ERCC3: variants seen among roughly 807,000 people sequenced by gnomAD.
ERCC3 encodes the protein general transcription and DNA repair factor IIH helicase/translocase subunit XPB.
ERCC3 carries 66 observed loss-of-function variants against 94.2 expected under a neutral mutation model. The ratio of observed to expected loss-of-function variants is 0.70; its 90% CI spans 0.57 to 0.86. ERCC3 has a LOEUF of 0.86. Ranked by LOEUF, ERCC3 falls within the 40% of genes least tolerant of loss-of-function variation. The probability of loss-of-function intolerance (pLI) is 0.00; values close to 1 mark genes in which losing one functional copy is unlikely to be tolerated. For missense variants in ERCC3, 829 were observed against 987.1 expected (o/e 0.84, Z 2.15); for synonymous variants, 349 against 369.1 (o/e 0.95, Z 0.63).
In ERCC3 at chr2:127,265,906, C is replaced by G. The variant is rs561665279; in HGVS notation, c.1946-4560G>C. Among the ~76,000 whole-genome samples the G allele has an allele frequency of 2.6e-5, 4 of 152,202 alleles. No individual in the cohort carries two copies. The South Asian group carries it at 8.3e-4, about 32-fold the overall frequency. ...AAATTGTTAATTTGAAATCTGTCTT[C>G]TCGATGTAGGTGTTCAGTGCTATAA... On this transcript the variant is annotated intron_variant, in intron 12 of 14. Coordinates refer to ENST00000285398, the MANE Select transcript of ERCC3 (RefSeq NM_000122.2).
intron 10 of ERCC3, among the ~76,000 whole-genome samples, chr2:127,273,621 T>G (rs1684636626): frequency 6.6e-6 from 1 of 151,484 alleles, no homozygotes; most frequent in African/African-American, 2.4e-5. Flanking sequence ...TGGTGGCGCA[T>G]GTGTGTAATC....
intron 12 of ERCC3, chr2:127,261,549 C>G (rs898782232): frequency 4.6e-5 from 27 of 587,316 alleles, no homozygotes; most frequent in Non-Finnish European, 7.6e-5. Context: ...AAAAAACAAT[C>G]CTCAGAATAA....
Position 127,279,333 on chromosome 2 carries a change from C to G in ERCC3, c.1570G>C (p.Ala524Pro). The stretch of plus-strand genomic sequence containing the variant: ...AAGATTCGTTTCTTGGTTTTGATTG[C>G]CACATATTCCCGGTAAAATTCAGGA... ...MSPEFYREYV[A>P]IKTKKRILLY... Residue 524 changes from alanine (A) to proline (P), a missense_variant, in exon 10 of 15, where the codon GCA (alanine) becomes CCA (proline). Ala to Pro is a conservative substitution (Grantham distance 27). Coordinates refer to ENST00000285398, the MANE Select transcript of ERCC3 (RefSeq NM_000122.2). The surrounding 1 kb of genome is among the most constrained non-coding windows in gnomAD (Gnocchi z 4.7). 6.2e-7 allele frequency: 1 copy of G among 1,614,112 alleles called. No individual in the cohort carries two copies. Among genetic ancestry groups the G allele is most frequent in the South Asian group, 1.1e-5 (1 of 91,088 alleles).
In ERCC3 at chr2:127,294,128, G is replaced by A. The variant is rs1261702724; in HGVS notation, c.-47C>T. The A allele has an allele frequency of 1.3e-6, 2 of 1,596,090 alleles. No individual in the cohort carries two copies. The highest frequency in any genetic ancestry group is 1.7e-6 in the Non-Finnish European group (2 of 1,174,668). On this transcript the variant is annotated 5_prime_UTR_variant, in exon 1 of 15. Transcript: ENST00000285398. ...AAGATGACCCCGCTCCCACAGGCCC[G>A]CCGCGGCATCCGCTCTGGGGGGACT...
chr2:127,276,971 G>C (rs765410050), intron 10 of ERCC3, among the ~76,000 whole-genome samples: 8 of 152,120 alleles, frequency 5.3e-5, no homozygotes, highest in Non-Finnish European at 1.0e-4. Context: ...GTATAAAGTC[G>C]AGTAAAGACA....
In ERCC3 at chr2:127,272,809, C is replaced by A. The variant is rs55790121; in HGVS notation, c.1827+56G>T. 2.0e-5 allele frequency: 21 copies of A among 1,043,554 alleles called. No individual in the cohort carries two copies. In the East Asian group the frequency reaches 5.0e-4, roughly 25 times the overall value. The allele number at this position is 1,043,554 out of a possible 1,614,324, so 64.6% of individuals were successfully genotyped here. The stretch of plus-strand genomic sequence containing the variant: ...TCACTGTCCAGGAATCATAGTGTAC[C>A]CCCCAGGTCCCCAGAGTGCTAGGGG... On this transcript the variant is annotated intron_variant, in intron 11 of 14. Coordinates refer to ENST00000285398, the MANE Select transcript of ERCC3 (RefSeq NM_000122.2).
intron 12 of ERCC3, among the ~76,000 whole-genome samples, chr2:127,265,981 T>C (rs1018262213): frequency 6.6e-6 from 1 of 152,218 alleles, no homozygotes; most frequent in African/African-American, 2.4e-5. Flanking sequence ...GTATGTTGTA[T>C]CTGTTTTCAT....
chr2:127,282,895 GA>G (rs1684959981), intron 8 of ERCC3, among the ~76,000 whole-genome samples: 1 of 152,098 alleles, frequency 6.6e-6, no homozygotes, highest in South Asian at 2.1e-4. Flanking sequence ...TTGTCCCCTG[GA>G]ACCTGGGACC....
intron 12 of ERCC3, among the ~76,000 whole-genome samples, chr2:127,265,315 CT>C (rs530634602): frequency 8.7e-4 from 132 of 152,254 alleles, no homozygotes; most frequent in Non-Finnish European, 1.1e-3. Flanking sequence ...CTCTGAGAAT[CT>C]TTTGTATTTC....
chr2:127,289,322 G>T lies in ERCC3; in HGVS notation c.822+15C>A, dbSNP rs1227922720. 6.2e-7 allele frequency: 1 copy of T among 1,612,268 alleles called. No homozygotes were observed. Among genetic ancestry groups the T allele is most frequent in the African/African-American group, 1.3e-5 (1 of 74,886 alleles). On this transcript the variant is annotated intron_variant, in intron 6 of 14. Coordinates refer to ENST00000285398, the MANE Select transcript of ERCC3 (RefSeq NM_000122.2). Reference sequence around the variant, plus strand: ...AGCTCAGTGAAGGAACCAGGAGGAAGGTACATTCACTAACCTGCTTGACTT... The same window carrying T: ...AGCTCAGTGAAGGAACCAGGAGGAATGTACATTCACTAACCTGCTTGACTT...
At position 127,279,829 on chromosome 2, in the gene ERCC3, C is replaced by T. The variant is rs370482734; in HGVS notation, c.1528-454G>A. ...AAATAAATGCATGCACAAAACTAAA[C>T]CCAACCTAATACCTCCTATTGAACT... is the stretch of plus-strand genomic sequence containing the variant. On this transcript the variant is annotated intron_variant, in intron 9 of 14. Transcript: ENST00000285398. The surrounding 1 kb of genome is among the most constrained non-coding windows in gnomAD (Gnocchi z 4.7). Among the ~76,000 whole-genome samples the T allele has an allele frequency of 3.4e-4, 52 of 152,200 alleles. No individual in the cohort carries two copies. Among genetic ancestry groups the T allele is most frequent in the African/African-American group, 1.2e-3 (49 of 41,546 alleles).
In ERCC3 at chr2:127,274,503, C is replaced by A. The variant is rs115631663; in HGVS notation, c.1731-1542G>T. 2.0e-5 allele frequency among the ~76,000 whole-genome samples: 3 copies of A among 152,180 alleles called. No homozygotes were observed. Among genetic ancestry groups the A allele is most frequent in the Non-Finnish European group, 4.4e-5 (3 of 68,038 alleles). On this transcript the variant is annotated intron_variant, in intron 10 of 14. Transcript: ENST00000285398. The surrounding 1 kb of genome is among the most constrained non-coding windows in gnomAD (Gnocchi z 4.0). ...AGGCCCGTTAGCACCCAGAGCAGTG[C>A]CCATTAATGGATGTACCTCAAAGAG...
chr2:127,272,155 G>A (rs1447865536), intron 11 of ERCC3, among the ~76,000 whole-genome samples: 2 of 151,550 alleles, frequency 1.3e-5, no homozygotes, highest in Non-Finnish European at 2.9e-5. Flanking sequence ...CTCCTGAGTA[G>A]TTGGGATTAC....
At chr2:127,293,379 G>A in intron 2 of ERCC3, 134 bp downstream of exon 2, 1 of 842,220 alleles carries the variant, frequency 1.2e-6, no homozygotes, top group Non-Finnish European at 1.9e-6. Context: ...GTTCCAACGT[G>A]TGTGGATGAA....
Position 127,280,964 on chromosome 2 carries a change from C to T in ERCC3, c.1343-333G>A. On this transcript the variant is annotated intron_variant, in intron 8 of 14. Coordinates refer to ENST00000285398, the MANE Select transcript of ERCC3 (RefSeq NM_000122.2). The surrounding 1 kb of genome is among the most constrained non-coding windows in gnomAD (Gnocchi z 6.3). ...TGACTAGGCAAATGCTTCACCATCA[C>T]TTTTAGACCTGTCCAAAAGAAAATG... is the stretch of plus-strand genomic sequence containing the variant. 1 of 473,080 alleles carries T rather than the reference C, an allele frequency of 2.1e-6. No individual in the cohort carries two copies. The highest frequency in any genetic ancestry group is 3.7e-6 in the Non-Finnish European group (1 of 270,520). 29.3% of individuals were successfully genotyped at this position (473,080 alleles called of 1,614,324 possible). A position where few individuals can be genotyped will look rare whatever the true frequency, so the allele number is the denominator to read the frequency against.
rs373666495 is a variant in ERCC3 at position 127,286,992 on chromosome 2, C to G, written c.1053G>C (p.Val351=). 1.1e-5 allele frequency: 17 copies of G among 1,613,128 alleles called. No homozygotes were observed. The African/African-American group carries it at 1.9e-4, about 18-fold the overall frequency. The change falls in exon 8 of 15, where the codon GTG becomes GTC. Residue 351 remains valine, a synonymous_variant. Coordinates refer to ENST00000285398, the MANE Select transcript of ERCC3 (RefSeq NM_000122.2). The stretch of plus-strand genomic sequence containing the variant: ...GTTTTCTGACAGTGCATGCAGCAGT[C>G]ACACCAACCAGGGACTTTCCAGCAC... ...PCGAGKSLVG[V]TAACTVRKRC...
rs751430837 is a variant in ERCC3, at chr2:127,260,764, G to A, written c.2064+464C>T. The A allele has an allele frequency of 4.5e-5, 9 of 201,214 alleles. No individual in the cohort carries two copies. The East Asian group carries it at 7.2e-4, about 16-fold the overall frequency. The allele number at this position is 201,214 out of a possible 1,614,324, so 12.5% of individuals were successfully genotyped here. On this transcript the variant is annotated intron_variant, in intron 13 of 14. Transcript: ENST00000285398. ...CTGGACACCAAATACTGACATAAAC[G>A]TAATATTTGTGTAACAGGAAAGAAA...
In ERCC3 at chr2:127,288,640, T is replaced by G. The variant is rs1033821948; in HGVS notation, c.1027+20A>C. On this transcript the variant is annotated intron_variant, in intron 7 of 14. Coordinates refer to ENST00000285398, the MANE Select transcript of ERCC3 (RefSeq NM_000122.2). ...CAGACACAACAGCCTGACCACCTTC[T>G]TAACTCTGGTACCACTTACCGCAGG... 17 of 1,609,786 alleles carry G rather than the reference T, an allele frequency of 1.1e-5. No homozygotes were observed. The highest frequency in any genetic ancestry group is 2.7e-5 in the African/African-American group (2 of 74,846).
chr2:127,261,220 A>G lies in ERCC3; in HGVS notation c.2064+8T>C. ...CCTAGTCTAACCAGAAGCCAAATGG[A>G]TATGTACCTTGAAGCTATAACCTTG... On this transcript the variant is annotated splice_region_variant and intron_variant, in intron 13 of 14. Coordinates refer to ENST00000285398, the MANE Select transcript of ERCC3 (RefSeq NM_000122.2). 1 of 1,551,156 alleles carries G rather than the reference A, an allele frequency of 6.4e-7. No homozygotes were observed. The highest frequency in any genetic ancestry group is 8.9e-7 in the Non-Finnish European group (1 of 1,122,474).
Sources: gnomAD v4.1 joint callset for allele counts (sites outside exome capture counted in the v4.1 genomes callset) on GRCh38, gnomAD v4.1.1 for gene constraint, Gnocchi (gnomAD v3.1) non-coding constraint, MANE v1.5 for transcripts, NCBI Gene and HGNC (gene_info 2026-07-23, HGNC 2026-07-21) for gene names.